The following ZNHIT6 variants were observed in gnomAD, a reference collection of about 807,000 sequenced individuals.
The protein encoded by ZNHIT6 is box C/D snoRNA protein 1.
ZNHIT6 carries 45 observed loss-of-function variants against 57.2 expected under a neutral mutation model. The observed-to-expected ratio is 0.79, with a 90% CI of 0.62 to 1.01. ZNHIT6 has a LOEUF of 1.01. Among genes scored for constraint, ZNHIT6 ranks in the 50% least tolerant of loss-of-function variants. The pLI is 0.00. For missense variants in ZNHIT6, 528 were observed against 567.3 expected (o/e 0.93, Z 0.70); for synonymous variants, 188 against 190.0 (o/e 0.99, Z 0.09).
At chr1:85,664,355 G>A (rs151269100) in intron 8 of ZNHIT6, among the ~76,000 whole-genome samples, 1 of 152,224 alleles carries the variant, frequency 6.6e-6, no homozygotes, top group East Asian at 1.9e-4. Flanking sequence ...TACAGTGATT[G>A]CACTGTGAAA....
At chr1:85,664,827 C>G (rs1661322745) in intron 8 of ZNHIT6, among the ~76,000 whole-genome samples, 1 of 151,880 alleles carries the variant, frequency 6.6e-6, no homozygotes, top group Non-Finnish European at 1.5e-5. Context: ...CTCTCTCGTT[C>G]TGTTGTTGTT....
In ZNHIT6 at chr1:85,706,333, T is replaced by C. The variant is rs757385045; in HGVS notation, c.745A>G (p.Lys249Glu). ...SCSLPCVKKHKAELTCNGVRD... is the reference protein window; with the variant it reads ...SCSLPCVKKHEAELTCNGVRD... The stretch of plus-strand genomic sequence containing the variant: ...ACTCCATTACATGTCAGTTCTGCTT[T>C]GTGTTTCTTTACACAGGGCAAACTG... The change falls in exon 3 of 10, where the codon AAA becomes GAA. Residue 249 changes from lysine to glutamate, a missense_variant. By Grantham distance (56) the Lys-to-Glu change is moderately conservative (BLOSUM62 1). Coordinates refer to ENST00000370574, the MANE Select transcript of ZNHIT6 (RefSeq NM_017953.4). 1 of 1,613,916 alleles carries C rather than the reference T, an allele frequency of 6.2e-7. No individual in the cohort carries two copies. The highest frequency in any genetic ancestry group is 2.2e-5 in the East Asian group (1 of 44,844).
intron 8 of ZNHIT6, among the ~76,000 whole-genome samples, chr1:85,675,869 T>C (rs1373486552): frequency 6.6e-6 from 1 of 152,172 alleles, no homozygotes; most frequent in Non-Finnish European, 1.5e-5. Flanking sequence ...TTAAACCCCA[T>C]GAACCAACCT....
In ZNHIT6 at chr1:85,706,357, T is replaced by C; in HGVS notation, c.723-2A>G. The C allele has an allele frequency of 6.2e-7, 1 of 1,613,850 alleles. No individual in the cohort carries two copies. Among genetic ancestry groups the C allele is most frequent in the Non-Finnish European group, 8.5e-7 (1 of 1,179,848 alleles). ...TTGTGTTTCTTTACACAGGGCAAAC[T>C]GAAAAGACAAAGGGGAAGTACTTTT... is the stretch of plus-strand genomic sequence containing the variant. On this transcript the variant is annotated splice_acceptor_variant, in intron 2 of 9. Coordinates refer to ENST00000370574, the MANE Select transcript of ZNHIT6 (RefSeq NM_017953.4). LOFTEE classifies it high-confidence loss of function.
chr1:85,650,996 A>G lies in ZNHIT6; in HGVS notation c.*3062T>C, dbSNP rs1278320003. 3 of 152,228 alleles carry G rather than the reference A, an allele frequency of 2.0e-5. No homozygotes were observed. The highest frequency in any genetic ancestry group is 4.4e-5 in the Non-Finnish European group (3 of 68,042). 9.4% of individuals were successfully genotyped at this position (152,228 alleles called of 1,614,324 possible). A position where few individuals can be genotyped will look rare whatever the true frequency, so the allele number is the denominator to read the frequency against. On this transcript the variant is annotated 3_prime_UTR_variant, in exon 10 of 10. Coordinates refer to ENST00000370574, the MANE Select transcript of ZNHIT6 (RefSeq NM_017953.4). ...CAAACTATATTCAAACCATAACAGT[A>G]TATGATTAAATAAAAATAGACCAGC...
chr1:85,671,956 C>T (rs1661567220), intron 8 of ZNHIT6, among the ~76,000 whole-genome samples: 1 of 151,996 alleles, frequency 6.6e-6, no homozygotes, highest in Non-Finnish European at 1.5e-5. Flanking sequence ...AATGGTGAAA[C>T]TTTTGGTCTA....
At chr1:85,684,691 C>G (rs1403996593) in intron 5 of ZNHIT6, among the ~76,000 whole-genome samples, 1 of 152,186 alleles carries the variant, frequency 6.6e-6, no homozygotes, top group Non-Finnish European at 1.5e-5. Context: ...GGATCAGTCT[C>G]TCCGTGGCCC....
In ZNHIT6 at chr1:85,708,249, C is replaced by A. The variant is rs1662753764; in HGVS notation, c.36G>T (p.Gly12=). The A allele has an allele frequency of 6.2e-7, 1 of 1,605,964 alleles. No individual in the cohort carries two copies. Among genetic ancestry groups the A allele is most frequent in the Non-Finnish European group, 8.5e-7 (1 of 1,173,950 alleles). The change falls in exon 1 of 10, where the codon GGG becomes GGT. Residue 12 remains glycine (G), a synonymous_variant. Transcript: ENST00000370574. ...EFAAENEGKS[G]GGLHSVAEGV... ...CCTCAGCTACGCTGTGGAGACCTCC[C>A]CCAGACTTCCCTTCATTTTCAGCAG...
At chr1:85,670,647 G>A (rs939881304) in intron 8 of ZNHIT6, among the ~76,000 whole-genome samples, 4 of 152,156 alleles carry the variant, frequency 2.6e-5, no homozygotes, top group Admixed American at 2.6e-4. Context: ...AGAAACCTAT[G>A]AGAAATGCAA....
chr1:85,684,370 A>G (rs955648589), intron 5 of ZNHIT6, among the ~76,000 whole-genome samples: 3 of 152,126 alleles, frequency 2.0e-5, no homozygotes, highest in African/African-American at 4.8e-5. Flanking sequence ...ATCAATACAC[A>G]CATGCATTCT....
intron 5 of ZNHIT6, among the ~76,000 whole-genome samples, chr1:85,691,057 T>C (rs1662204012): frequency 6.6e-6 from 1 of 152,090 alleles, no homozygotes; most frequent in African/African-American, 2.4e-5. Context: ...CAAGCCCGGG[T>C]ATCTATTCTG....
chr1:85,702,315 A>G lies in ZNHIT6; in HGVS notation c.916-55T>C, dbSNP rs1662559860. 4.6e-6 allele frequency: 5 copies of G among 1,090,404 alleles called. No homozygotes were observed. In the East Asian group the frequency reaches 9.9e-5, roughly 21 times the overall value. 67.5% of individuals were successfully genotyped at this position (1,090,404 alleles called of 1,614,324 possible). ...ATTTTTAAATTCCTTAAATTTAAAA[A>G]GTGAGTAAAACAATGTTCAATAATA... On this transcript the variant is annotated intron_variant, in intron 4 of 9. Coordinates refer to ENST00000370574, the MANE Select transcript of ZNHIT6 (RefSeq NM_017953.4).
intron 1 of ZNHIT6, 57 bp downstream of exon 1, chr1:85,707,572 T>C: frequency 6.7e-7 from 1 of 1,491,890 alleles, no homozygotes. Context: ...TTTCCTTCAC[T>C]CTAGACATGA....
Position 85,708,288 on chromosome 1 carries a change from C to G in ZNHIT6, c.-4G>C. On this transcript the variant is annotated 5_prime_UTR_variant, in exon 1 of 10. Transcript: ENST00000370574. ...CATTTTCAGCAGCAAACTCCATCAACTCACGATCCTTGGCCTCTGCTGCCA... is the reference window on the plus strand; with the variant it reads ...CATTTTCAGCAGCAAACTCCATCAAGTCACGATCCTTGGCCTCTGCTGCCA... 1 of 1,591,906 alleles carries G rather than the reference C, an allele frequency of 6.3e-7. No homozygotes were observed. The highest frequency in any genetic ancestry group is 8.6e-7 in the Non-Finnish European group (1 of 1,167,746).
At chr1:85,677,108 G>C in intron 8 of ZNHIT6, 128 bp downstream of exon 8, 1 of 615,892 alleles carries the variant, frequency 1.6e-6, no homozygotes, top group Non-Finnish European at 2.6e-6. Context: ...AATTTGACTT[G>C]AAAGTTGAAA....
intron 4 of ZNHIT6, among the ~76,000 whole-genome samples, chr1:85,704,292 T>C (rs1052166176): frequency 2.6e-5 from 4 of 152,206 alleles, no homozygotes; most frequent in Non-Finnish European, 5.9e-5. Flanking sequence ...GAAACACATG[T>C]TCACACACAT....
chr1:85,650,993 A>G lies in ZNHIT6; in HGVS notation c.*3065T>C, dbSNP rs1172712695. 6.6e-6 allele frequency: 1 copy of G among 152,234 alleles called. No individual in the cohort carries two copies. Among genetic ancestry groups the G allele is most frequent in the East Asian group, 1.9e-4 (1 of 5,198 alleles). The allele number at this position is 152,234 out of a possible 1,614,324, so 9.4% of individuals were successfully genotyped here. On this transcript the variant is annotated 3_prime_UTR_variant, in exon 10 of 10. Coordinates refer to ENST00000370574, the MANE Select transcript of ZNHIT6 (RefSeq NM_017953.4). ...GAACAAACTATATTCAAACCATAAC[A>G]GTATATGATTAAATAAAAATAGACC...
At chr1:85,699,379 G>A (rs1176627503) in intron 5 of ZNHIT6, among the ~76,000 whole-genome samples, 1 of 152,006 alleles carries the variant, frequency 6.6e-6, no homozygotes, top group Non-Finnish European at 1.5e-5. Flanking sequence ...TAATTATCTG[G>A]ACCAAGAAAA....
At chr1:85,655,047 C>T (rs889582398) in intron 9 of ZNHIT6, among the ~76,000 whole-genome samples, 3 of 152,266 alleles carry the variant, frequency 2.0e-5, no homozygotes, top group African/African-American at 4.8e-5. Context: ...CCAGCAACCA[C>T]AATGGTGTTT....
Sources: gnomAD v4.1 joint callset for allele counts (sites outside exome capture counted in the v4.1 genomes callset) on GRCh38, gnomAD v4.1.1 for gene constraint, MANE v1.5 for transcripts, NCBI Gene and HGNC (gene_info 2026-07-23, HGNC 2026-07-21) for gene names.